The following CCNB1IP1 variants were observed in gnomAD, a reference collection of about 807,000 sequenced individuals.
CCNB1IP1 encodes the protein cyclin B1 interacting protein 1.
In CCNB1IP1, 14 loss-of-function variants were observed where a neutral mutation model predicts 25.6. The observed-to-expected ratio is 0.55, with a 90% CI of 0.36 to 0.85. The LOEUF is 0.85. Among genes scored for constraint, CCNB1IP1 ranks in the 40% least tolerant of loss-of-function variants. The pLI, the probability that CCNB1IP1 is intolerant of heterozygous loss-of-function variation, is 0.01. For missense variants in CCNB1IP1, 278 were observed against 342.4 expected (o/e 0.81, Z 1.48); for synonymous variants, 119 against 116.1 (o/e 1.02, Z -0.16).
chr14:20,311,803 T>C (rs1317668613), intron 6 of CCNB1IP1, 51 bp from the exon 7 acceptor site: 2 of 1,217,998 alleles, frequency 1.6e-6, no homozygotes, highest in South Asian at 1.2e-5. Context: ...GTTATCTATA[T>C]AATCTACTTC....
chr14:20,312,216 G>A (rs574751600), intron 6 of CCNB1IP1, among the ~76,000 whole-genome samples: 107 of 152,204 alleles, frequency 7.0e-4, no homozygotes, highest in Admixed American at 1.0e-3. Flanking sequence ...AAAAAAATAA[G>A]ACAAATGTGG....
intron 1 of CCNB1IP1, among the ~76,000 whole-genome samples, chr14:20,330,307 T>G (rs1883197352): frequency 6.6e-6 from 1 of 151,902 alleles, no homozygotes; most frequent in South Asian, 2.1e-4. Context: ...AACAAAAAGT[T>G]GGGAACAATA....
At position 20,313,810 on chromosome 14, in the gene CCNB1IP1, A is replaced by G; in HGVS notation, c.298-9T>C. On this transcript the variant is annotated splice_polypyrimidine_tract_variant and intron_variant, in intron 5 of 6. Coordinates refer to ENST00000358932, the MANE Select transcript of CCNB1IP1 (RefSeq NM_021178.5). Reference sequence around the variant, plus strand: ...AGACGTTCCTGATGTACCTGGTTCCAAAAGAAAAAAGATTTTTAAGGTATT... The same window carrying G: ...AGACGTTCCTGATGTACCTGGTTCCGAAAGAAAAAAGATTTTTAAGGTATT... 3.3e-6 allele frequency: 5 copies of G among 1,530,072 alleles called. No individual in the cohort carries two copies. The highest frequency in any genetic ancestry group is 3.5e-6 in the Non-Finnish European group (4 of 1,143,156). The allele number at this position is 1,530,072 out of a possible 1,614,324, so 94.8% of individuals were successfully genotyped here.
chr14:20,331,233 C>G (rs958199278), intron 1 of CCNB1IP1, among the ~76,000 whole-genome samples: 1 of 152,186 alleles, frequency 6.6e-6, no homozygotes, highest in Non-Finnish European at 1.5e-5. Flanking sequence ...TGAAAGCATG[C>G]CCTTTCTGCC....
At chr14:20,312,756 G>T (rs1054849693) in intron 6 of CCNB1IP1, among the ~76,000 whole-genome samples, 1 of 151,096 alleles carries the variant, frequency 6.6e-6, no homozygotes, top group Admixed American at 6.6e-5. Flanking sequence ...GAAAAGAGAT[G>T]GCATCATACT....
chr14:20,332,026 A>ATATATTTT (rs59034398), intron 1 of CCNB1IP1, among the ~76,000 whole-genome samples: 2 of 40,744 alleles, frequency 4.9e-5, no homozygotes, highest in African/African-American at 1.7e-4. Flanking sequence ...ATATATATAT[A>ATATATTTT]TTTTTTTTTT....
intron 4 of CCNB1IP1, 28 bp from the exon 5 acceptor site, chr14:20,316,588 G>C (rs1185477479): frequency 7.4e-7 from 1 of 1,344,650 alleles, no homozygotes; most frequent in Non-Finnish European, 1.0e-6. Context: ...AAAAGGCCAA[G>C]TAAGTTAAAT....
chr14:20,332,026 A>ATATTTT (rs59034398), intron 1 of CCNB1IP1, among the ~76,000 whole-genome samples: 13 of 40,742 alleles, frequency 3.2e-4, no homozygotes, highest in East Asian at 8.6e-4. Context: ...ATATATATAT[A>ATATTTT]TTTTTTTTTT....
intron 5 of CCNB1IP1, chr14:20,314,542 T>C (rs1461312829): frequency 1.3e-5 from 2 of 152,210 alleles, no homozygotes; most frequent in Non-Finnish European, 2.9e-5. Context: ...CAGGTGGATC[T>C]TGGATTTGGC....
intron 4 of CCNB1IP1, among the ~76,000 whole-genome samples, chr14:20,324,494 G>C (rs1024839303): frequency 6.6e-6 from 1 of 152,046 alleles, no homozygotes; most frequent in African/African-American, 2.4e-5. Flanking sequence ...CCAAAACAAA[G>C]AATTTTCGTC....
At position 20,313,687 on chromosome 14, in the gene CCNB1IP1, A is replaced by T; in HGVS notation, c.412T>A (p.Ser138Thr). The part of the protein sequence containing the change: ...QIQSKDVELT[S>T]MKGEVTSMKK... ...ATGGAGGTAACCTCCCCTTTCATAGAGGTCAATTCTACATCCTTGCTTTGT... is the reference window on the plus strand; with the variant it reads ...ATGGAGGTAACCTCCCCTTTCATAGTGGTCAATTCTACATCCTTGCTTTGT... The change falls in exon 6 of 7, where the codon TCT (serine) becomes ACT (threonine). Residue 138 changes from serine (S) to threonine (T), a missense_variant. Coordinates refer to ENST00000358932, the MANE Select transcript of CCNB1IP1 (RefSeq NM_021178.5). 2 of 1,614,120 alleles carry T rather than the reference A, an allele frequency of 1.2e-6. No homozygotes were observed. Among genetic ancestry groups the T allele is most frequent in the Non-Finnish European group, 1.7e-6 (2 of 1,180,000 alleles).
intron 6 of CCNB1IP1, 148 bp from the exon 7 acceptor site, chr14:20,311,900 C>A: frequency 2.0e-6 from 1 of 496,588 alleles, no homozygotes; most frequent in Non-Finnish European, 3.3e-6. Context: ...AAATCTTTTA[C>A]CCCAGGTTAA....
chr14:20,323,004 T>C (rs1413156571), intron 4 of CCNB1IP1, among the ~76,000 whole-genome samples: 1 of 152,166 alleles, frequency 6.6e-6, no homozygotes, highest in Non-Finnish European at 1.5e-5. Context: ...AATTTGAACA[T>C]GAATGACTTT....
intron 4 of CCNB1IP1, chr14:20,317,576 G>A (rs1354382952): frequency 1.3e-5 from 2 of 152,244 alleles, no homozygotes; most frequent in African/African-American, 4.8e-5. Flanking sequence ...GGAAAGCAGA[G>A]GAGCTGGGAA....
intron 5 of CCNB1IP1, among the ~76,000 whole-genome samples, chr14:20,314,908 G>A (rs968551638): frequency 1.3e-5 from 2 of 151,006 alleles, no homozygotes; most frequent in African/African-American, 4.9e-5. Flanking sequence ...TGGCTAACAC[G>A]GTGAAACCCC....
At chr14:20,320,262 C>T in intron 4 of CCNB1IP1, 1 of 450,638 alleles carries the variant, frequency 2.2e-6, no homozygotes, top group Non-Finnish European at 4.4e-6. Flanking sequence ...TCATTCTTCC[C>T]AACATAAAGA....
intron 4 of CCNB1IP1, among the ~76,000 whole-genome samples, chr14:20,320,006 G>A: frequency 6.6e-6 from 1 of 152,230 alleles, no homozygotes; most frequent in East Asian, 1.9e-4. Flanking sequence ...ACTCGTAAGA[G>A]TGAGCATTTT....
At chr14:20,319,518 C>T (rs577763538) in intron 4 of CCNB1IP1, among the ~76,000 whole-genome samples, 2 of 152,280 alleles carry the variant, frequency 1.3e-5, no homozygotes, top group South Asian at 4.2e-4. Flanking sequence ...TTGACTAGTA[C>T]CTAACTTTGT....
At chr14:20,320,534 G>A in intron 4 of CCNB1IP1, 1 of 319,588 alleles carries the variant, frequency 3.1e-6, no homozygotes, top group South Asian at 2.5e-5. Flanking sequence ...AAACTACTCA[G>A]AATAACAAAA....
Sources: gnomAD v4.1 joint callset for allele counts (sites outside exome capture counted in the v4.1 genomes callset) on GRCh38, gnomAD v4.1.1 for gene constraint, MANE v1.5 for transcripts, NCBI Gene and HGNC (gene_info 2026-07-23, HGNC 2026-07-21) for gene names.